NLGN1: variants seen among roughly 807,000 people sequenced by gnomAD.
NLGN1 encodes neuroligin-1.
NLGN1 carries 12 observed loss-of-function variants against 65.5 expected under a neutral mutation model. The ratio of observed to expected loss-of-function variants is 0.18; its 90% confidence interval spans 0.12 to 0.30. The LOEUF (loss-of-function observed/expected upper bound fraction) is 0.30. NLGN1 is among the 10% of genes least tolerant of loss of function. The pLI is 1.00. For missense variants in NLGN1, 750 were observed against 1,007.1 expected (o/e 0.74, Z 3.46); for synonymous variants, 350 against 359.5 (o/e 0.97, Z 0.30).
chr3:173,576,735 C>T (rs12107174), intron 2 of NLGN1, among the ~76,000 whole-genome samples: 4,332 of 152,186 alleles, frequency 0.028, 193 homozygotes, highest in African/African-American at 0.095. Flanking sequence ...TTTGCAAAGT[C>T]TCTTTTGCCA....
At chr3:174,056,150 T>A (rs1037747949) in intron 4 of NLGN1, among the ~76,000 whole-genome samples, 5 of 152,060 alleles carry the variant, frequency 3.3e-5, no homozygotes, top group Admixed American at 6.6e-5. Flanking sequence ...TCCAAGGGAA[T>A]CTGAGCACAG....
At chr3:173,521,821 T>C (rs1196238716) in intron 2 of NLGN1, among the ~76,000 whole-genome samples, 1 of 152,242 alleles carries the variant, frequency 6.6e-6, no homozygotes, top group Non-Finnish European at 1.5e-5. Context: ...GTCACAGAGC[T>C]TCTAATGACA....
At chr3:173,830,639 A>G (rs529958879) in intron 4 of NLGN1, among the ~76,000 whole-genome samples, 1 of 152,336 alleles carries the variant, frequency 6.6e-6, no homozygotes, top group East Asian at 1.9e-4. Context: ...ATATTTTTAA[A>G]AAATCTCTCT....
chr3:173,595,077 C>T (rs1166959755), intron 2 of NLGN1, among the ~76,000 whole-genome samples: 1 of 152,198 alleles, frequency 6.6e-6, no homozygotes, highest in Admixed American at 6.5e-5. Flanking sequence ...AACCATTGTC[C>T]TGGGGATTAA....
At chr3:173,523,035 AT>A (rs1446727173) in intron 2 of NLGN1, among the ~76,000 whole-genome samples, 1 of 151,652 alleles carries the variant, frequency 6.6e-6, no homozygotes, top group African/African-American at 2.4e-5. Context: ...TATATTGAGC[AT>A]TTTTTATATG....
At chr3:173,473,920 G>C (rs1038912906) in intron 2 of NLGN1, among the ~76,000 whole-genome samples, 8 of 152,086 alleles carry the variant, frequency 5.3e-5, no homozygotes, top group Non-Finnish European at 8.8e-5. Context: ...AAGAATGTTG[G>C]TCTCTGCAGT....
chr3:173,983,418 A>T (rs1719197670), intron 4 of NLGN1, among the ~76,000 whole-genome samples: 1 of 152,190 alleles, frequency 6.6e-6, no homozygotes, highest in Non-Finnish European at 1.5e-5. Flanking sequence ...AGTCCAGCAG[A>T]CACCCAAAGG....
intron 3 of NLGN1, among the ~76,000 whole-genome samples, chr3:173,684,899 G>A (rs975266053): frequency 1.3e-5 from 2 of 152,044 alleles, no homozygotes; most frequent in South Asian, 4.1e-4. Flanking sequence ...GCCTTTAAAG[G>A]TAAATAATCC....
intron 2 of NLGN1, among the ~76,000 whole-genome samples, chr3:173,539,625 T>TACAC (rs1491345407): frequency 4.7e-5 from 3 of 64,148 alleles, no homozygotes; most frequent in Non-Finnish European, 9.7e-5. Flanking sequence ...ATTATATATT[T>TACAC]ATATATACAC....
Position 173,655,074 on chromosome 3 carries a change from A to C in NLGN1, c.493+49983A>C, listed in dbSNP as rs535855325. On this transcript the variant is annotated intron_variant, in intron 3 of 6. Coordinates refer to ENST00000457714, the Ensembl canonical transcript of NLGN1. The stretch of plus-strand genomic sequence containing the variant: ...CAATAAGTTAATACTCATAAAGCAC[A>C]AAGGAAAGTAATAGCATATAGTTTG... 9.8e-4 allele frequency among the ~76,000 whole-genome samples: 149 copies of C among 152,294 alleles called. 1 individual carries two copies. Among genetic ancestry groups the C allele is most frequent in the Non-Finnish European group, 6.5e-4 (44 of 68,024 alleles).
At chr3:174,165,835 G>T (rs922964159) in intron 4 of NLGN1, among the ~76,000 whole-genome samples, 1 of 151,864 alleles carries the variant, frequency 6.6e-6, no homozygotes, top group African/African-American at 2.4e-5. Flanking sequence ...CTGGTCTGGG[G>T]CTTTCTTAGT....
intron 4 of NLGN1, among the ~76,000 whole-genome samples, chr3:174,171,538 T>C (rs1219337425): frequency 6.6e-6 from 1 of 152,194 alleles, no homozygotes; most frequent in Non-Finnish European, 1.5e-5. Flanking sequence ...TAATAACTCA[T>C]TTAATGTCTT....
intron 4 of NLGN1, among the ~76,000 whole-genome samples, chr3:174,005,279 G>A (rs769428172): frequency 6.6e-6 from 1 of 152,078 alleles, no homozygotes; most frequent in Admixed American, 6.6e-5. Context: ...AATATCAAAT[G>A]TTTAGTTCCA....
intron 1 of NLGN1, among the ~76,000 whole-genome samples, chr3:173,431,523 A>AT (rs1363957457): frequency 1.3e-5 from 2 of 151,994 alleles, no homozygotes; most frequent in Non-Finnish European, 2.9e-5. Flanking sequence ...TCAGTAATCA[A>AT]TTTTTTGCAT....
chr3:173,839,607 G>A (rs1724380364), intron 4 of NLGN1, among the ~76,000 whole-genome samples: 1 of 152,032 alleles, frequency 6.6e-6, no homozygotes, highest in African/African-American at 2.4e-5. Flanking sequence ...GTTTTTAGTA[G>A]AGATGGGGTT....
chr3:173,660,637 G>C (rs913114703), intron 3 of NLGN1, among the ~76,000 whole-genome samples: 2 of 151,676 alleles, frequency 1.3e-5, no homozygotes, highest in African/African-American at 4.8e-5. Flanking sequence ...ACAACCTGAA[G>C]GTAAAAACCA....
chr3:173,456,579 A>G (rs1228565875), intron 2 of NLGN1, among the ~76,000 whole-genome samples: 1 of 152,212 alleles, frequency 6.6e-6, no homozygotes, highest in African/African-American at 2.4e-5. Flanking sequence ...GTATCTGTCA[A>G]AGACCAATTA....
At chr3:173,596,921 G>T (rs1749584290) in intron 2 of NLGN1, among the ~76,000 whole-genome samples, 1 of 152,098 alleles carries the variant, frequency 6.6e-6, no homozygotes, top group African/African-American at 2.4e-5. Flanking sequence ...GCTCTTTGCT[G>T]TTCTATCATT....
At chr3:173,855,472 A>G (rs1325763957) in intron 4 of NLGN1, among the ~76,000 whole-genome samples, 2 of 150,524 alleles carry the variant, frequency 1.3e-5, no homozygotes, top group Non-Finnish European at 3.0e-5. Flanking sequence ...GTACTTGGCA[A>G]AAAAGTTTTA....
Sources: allele counts gnomAD v4.1 joint callset (sites outside exome capture counted in the v4.1 genomes callset), GRCh38; gene constraint gnomAD v4.1.1; transcripts MANE v1.5; gene names NCBI Gene and HGNC (gene_info 2026-07-23, HGNC 2026-07-21).